Variants in TEX2 observed in about 807,000 individuals in gnomAD.
TEX2 encodes the protein testis-expressed protein 2.
In TEX2, 53 loss-of-function variants were observed where a neutral mutation model predicts 106.9. The observed-to-expected ratio is 0.50, with a 90% CI of 0.40 to 0.62. The LOEUF (loss-of-function observed/expected upper bound fraction) is 0.62. Ranked by LOEUF, TEX2 falls within the 20% of genes least tolerant of loss-of-function variation. TEX2 has a pLI of 0.00. For synonymous variants in TEX2, 523 were observed against 534.8 expected (o/e 0.98, Z 0.30); for missense variants, 1,207 against 1,379.0 (o/e 0.88, Z 1.98).
Position 64,188,218 on chromosome 17 carries a change from G to C in TEX2, c.2374C>G (p.Gln792Glu). Residue 792 changes from glutamine (Q) to glutamate (E), a missense_variant, in exon 5 of 12, where the codon CAG becomes GAG. By Grantham distance (29) the Gln-to-Glu change is conservative (BLOSUM62 2). Transcript: ENST00000584379. ...RCVPQESRSP[Q>E]RSPLQSAESS... Reference sequence around the variant, plus strand: ...TCCGCACTCTGCAGGGGGCTCCTCTGGGGGCTTCGGCTTTCCTGGGGGACA... The same window carrying C: ...TCCGCACTCTGCAGGGGGCTCCTCTCGGGGCTTCGGCTTTCCTGGGGGACA... The C allele has an allele frequency of 2.5e-6, 4 of 1,612,786 alleles. No individual in the cohort carries two copies. The highest frequency in any genetic ancestry group is 2.5e-6 in the Non-Finnish European group (3 of 1,180,040).
At chr17:64,179,205 G>C (rs1040778630) in intron 5 of TEX2, among the ~76,000 whole-genome samples, 1 of 152,194 alleles carries the variant, frequency 6.6e-6, no homozygotes, top group African/African-American at 2.4e-5. Context: ...TCTGTAGCTA[G>C]CAAAAGGATT....
intron 1 of TEX2, among the ~76,000 whole-genome samples, chr17:64,236,475 GATCAC>G (rs2143361379): frequency 6.6e-6 from 1 of 152,270 alleles, no homozygotes; most frequent in Admixed American, 6.5e-5. Flanking sequence ...GAGTGGGGAG[GATCAC>G]CTGAGCCCAG....
intron 8 of TEX2, among the ~76,000 whole-genome samples, chr17:64,159,183 C>CG (rs1414723882): frequency 6.6e-6 from 1 of 152,188 alleles, no homozygotes; most frequent in Admixed American, 6.5e-5. Context: ...TTGCCACCCC[C>CG]GGTGCCCAAG....
At chr17:64,228,320 C>A (rs1478304155) in intron 1 of TEX2, among the ~76,000 whole-genome samples, 1 of 152,038 alleles carries the variant, frequency 6.6e-6, no homozygotes, top group Non-Finnish European at 1.5e-5. Context: ...TTCAAGTATA[C>A]TGCATTTATT....
chr17:64,211,877 C>T (rs771241821), intron 2 of TEX2, among the ~76,000 whole-genome samples: 3 of 152,138 alleles, frequency 2.0e-5, no homozygotes, highest in African/African-American at 7.2e-5. Context: ...CTGGACACAG[C>T]GGCTCACACC....
rs971099945 is a variant in TEX2, at chr17:64,148,398, T to C, written c.*571A>G. ...CTGATAGCGTGTTGTGTGTGTACTA[T>C]GGCTACTTGCTTCCCAAATGCACAA... On this transcript the variant is annotated 3_prime_UTR_variant, in exon 12 of 12. Coordinates refer to ENST00000584379, the MANE Select transcript of TEX2 (RefSeq NM_001288732.2). 6.5e-6 allele frequency: 1 copy of C among 153,442 alleles called. No individual in the cohort carries two copies. The highest frequency in any genetic ancestry group is 2.4e-5 in the African/African-American group (1 of 41,466). The allele number at this position is 153,442 out of a possible 1,614,324, so 9.5% of individuals were successfully genotyped here.
At chr17:64,243,872 G>A (rs1218912199) in intron 1 of TEX2, among the ~76,000 whole-genome samples, 2 of 150,204 alleles carry the variant, frequency 1.3e-5, no homozygotes, top group Admixed American at 1.3e-4. Context: ...GCAGTGGTGG[G>A]ATCTCGGCTC....
chr17:64,174,539 A>G (rs2143760523), intron 6 of TEX2, among the ~76,000 whole-genome samples: 1 of 152,260 alleles, frequency 6.6e-6, no homozygotes, highest in South Asian at 2.1e-4. Context: ...TTCTTCTGTT[A>G]AGGTCATTCC....
At chr17:64,187,393 G>A (rs1216338819) in intron 5 of TEX2, among the ~76,000 whole-genome samples, 1 of 151,968 alleles carries the variant, frequency 6.6e-6, no homozygotes, top group African/African-American at 2.4e-5. Context: ...CTTGGCCTCT[G>A]CGTTCTCTCA....
In TEX2 at chr17:64,154,868, G is replaced by C; in HGVS notation, c.2904C>G (p.Asp968Glu). The stretch of plus-strand genomic sequence containing the variant: ...CTTCAGCCCCTGGGAGGAGCTGTTT[G>C]TCTCCCCCGCTGGGCTCTGGGGCAT... ...EDDAPEPSGG[D>E]KQLLPGAEGY... The change falls in exon 9 of 12, where the codon GAC becomes GAG. Residue 968 changes from aspartate (D) to glutamate (E), a missense_variant. This residue lies in a region of TEX2 where 1,067 missense variants were observed against 1,193.6 expected (regional missense o/e 0.89). Coordinates refer to ENST00000584379, the MANE Select transcript of TEX2 (RefSeq NM_001288732.2). 1 of 1,608,176 alleles carries C rather than the reference G, an allele frequency of 6.2e-7. No homozygotes were observed. Among genetic ancestry groups the C allele is most frequent in the Non-Finnish European group, 8.5e-7 (1 of 1,177,708 alleles).
intron 5 of TEX2, among the ~76,000 whole-genome samples, chr17:64,183,106 A>G (rs982969244): frequency 6.6e-6 from 1 of 152,138 alleles, no homozygotes; most frequent in Non-Finnish European, 1.5e-5. Flanking sequence ...GGGTTTCGCC[A>G]TATTGGCCAG....
chr17:64,160,199 G>A (rs2030820114), intron 8 of TEX2, among the ~76,000 whole-genome samples: 1 of 152,064 alleles, frequency 6.6e-6, no homozygotes, highest in African/African-American at 2.4e-5. Context: ...ATTTAAGAGG[G>A]AAAAAAATTA....
At chr17:64,184,094 G>A (rs1226061796) in intron 5 of TEX2, among the ~76,000 whole-genome samples, 1 of 152,120 alleles carries the variant, frequency 6.6e-6, no homozygotes, top group Non-Finnish European at 1.5e-5. Context: ...TGTCTATTCA[G>A]ATCCTTTACC....
rs143361326 is a variant in TEX2 at position 64,222,910 on chromosome 17, G to C, written c.-25-8668C>G. Among the ~76,000 whole-genome samples the C allele has an allele frequency of 7.7e-3, 1,167 of 152,258 alleles. 15 individuals are homozygous for C. The highest frequency in any genetic ancestry group is 0.026 in the African/African-American group (1,093 of 41,540). On this transcript the variant is annotated intron_variant, in intron 1 of 11. Transcript: ENST00000584379. ...TGATCCGGTATGTTTCCAGAAAGCA[G>C]GATGTCTCAAACTCTTCTGCTGATG...
chr17:64,256,922 A>T (rs1426132311), intron 1 of TEX2, among the ~76,000 whole-genome samples: 1 of 152,244 alleles, frequency 6.6e-6, no homozygotes, highest in Non-Finnish European at 1.5e-5. Flanking sequence ...TGAAAATTGA[A>T]TAAGAAAACA....
chr17:64,197,349 T>C (rs562775925), intron 2 of TEX2, among the ~76,000 whole-genome samples: 8 of 152,232 alleles, frequency 5.3e-5, no homozygotes, highest in African/African-American at 1.4e-4. Flanking sequence ...TAAGCTTTGG[T>C]TTGTATCTTT....
chr17:64,219,285 C>A (rs2033279801), intron 1 of TEX2, among the ~76,000 whole-genome samples: 1 of 152,028 alleles, frequency 6.6e-6, no homozygotes, highest in Non-Finnish European at 1.5e-5. Flanking sequence ...GTGGGTGGAT[C>A]CCTTGAGGTC....
chr17:64,150,719 C>T (rs561517246), intron 11 of TEX2, 122 bp downstream of exon 11: 64 of 1,076,954 alleles, frequency 5.9e-5, no homozygotes, highest in South Asian at 5.7e-4. Context: ...AATACTCTTC[C>T]GGGATGAAGG....
chr17:64,163,518 T>A (rs1320693949), intron 7 of TEX2, among the ~76,000 whole-genome samples: 1 of 152,208 alleles, frequency 6.6e-6, no homozygotes, highest in East Asian at 1.9e-4. Context: ...TATGATGTGC[T>A]TGCATTCAGA....
Sources: gnomAD v4.1 joint callset for allele counts (sites outside exome capture counted in the v4.1 genomes callset) on GRCh38, gnomAD v4.1.1 for gene constraint, gnomAD v4.1.1 regional missense constraint, MANE v1.5 for transcripts, NCBI Gene and HGNC (gene_info 2026-07-23, HGNC 2026-07-21) for gene names.